Variants in LRRC4C observed in about 807,000 individuals in gnomAD.
The protein encoded by LRRC4C is leucine-rich repeat-containing protein 4C.
In LRRC4C, 5 loss-of-function variants were observed where a neutral mutation model predicts 33.6. The ratio of observed to expected loss-of-function variants is 0.15; its 90% CI spans 0.08 to 0.31. The LOEUF (loss-of-function observed/expected upper bound fraction) is 0.31. Ranked by LOEUF, LRRC4C falls within the 10% of genes least tolerant of loss-of-function variation. The pLI is 1.00. For synonymous variants in LRRC4C, 329 were observed against 302.0 expected (o/e 1.09, Z -0.93); for missense variants, 560 against 796.7 (o/e 0.70, Z 3.58).
rs561116865 is a variant in LRRC4C at position 40,992,630 on chromosome 11, G to A, written c.-495-58907C>T. Reference sequence around the variant, plus strand: ...TACATTTTAAAACCAATGAAATTACGTTGTTTGATTTTTCCCCATTGATCC... The same window carrying A: ...TACATTTTAAAACCAATGAAATTACATTGTTTGATTTTTCCCCATTGATCC... On this transcript the variant is annotated intron_variant, in intron 1 of 6. Transcript: ENST00000528697. 6.3e-4 allele frequency among the ~76,000 whole-genome samples: 95 copies of A among 151,994 alleles called. 1 individual carries two copies. The highest frequency in any genetic ancestry group is 1.3e-3 in the Non-Finnish European group (87 of 67,972).
At chr11:41,394,408 C>T (rs969239193) in intron 1 of LRRC4C, among the ~76,000 whole-genome samples, 1 of 151,888 alleles carries the variant, frequency 6.6e-6, no homozygotes, top group Non-Finnish European at 1.5e-5. Context: ...AGATGCGCCT[C>T]CCTGCAGAGA....
chr11:41,184,027 G>C (rs1399963924), intron 1 of LRRC4C, among the ~76,000 whole-genome samples: 1 of 152,182 alleles, frequency 6.6e-6, no homozygotes, highest in African/African-American at 2.4e-5. Flanking sequence ...GAGCAGCTGG[G>C]ACACAGGACA....
At position 41,305,391 on chromosome 11, in the gene LRRC4C, G is replaced by A. The variant is rs1480118619; in HGVS notation, c.-496+154040C>T. ...AGCCCCTCTGCCCGGCCACCACCCC[G>A]TCTGGGAGGTGTGCCCAACAGCTCA... On this transcript the variant is annotated intron_variant, in intron 1 of 6. Coordinates refer to ENST00000528697, the MANE Select transcript of LRRC4C (RefSeq NM_001258419.2). Among the ~76,000 whole-genome samples, 4 of 51,850 alleles carry A rather than the reference G, an allele frequency of 7.7e-5. 2 individuals are homozygous for A. The highest frequency in any genetic ancestry group is 1.7e-4 in the African/African-American group (4 of 23,184). The allele number at this position is 51,850 out of a possible 152,430, so 34.0% of individuals were successfully genotyped here.
At chr11:40,827,771 C>T (rs187275389) in intron 2 of LRRC4C, among the ~76,000 whole-genome samples, 1 of 151,618 alleles carries the variant, frequency 6.6e-6, no homozygotes, top group Non-Finnish European at 1.5e-5. Context: ...AATATATAAT[C>T]ATTAATTCTC....
intron 1 of LRRC4C, among the ~76,000 whole-genome samples, chr11:40,966,889 T>C (rs890829450): frequency 1.3e-5 from 2 of 152,010 alleles, no homozygotes; most frequent in Non-Finnish European, 2.9e-5. Context: ...GAGTCATACC[T>C]TGTCATGCTT....
At chr11:41,117,557 T>C (rs1188738613) in intron 1 of LRRC4C, among the ~76,000 whole-genome samples, 1 of 152,168 alleles carries the variant, frequency 6.6e-6, no homozygotes, top group Non-Finnish European at 1.5e-5. Flanking sequence ...AGTGGTGGAA[T>C]TAAGCATTGA....
chr11:41,427,689 A>G (rs1444635633), intron 1 of LRRC4C, among the ~76,000 whole-genome samples: 22 of 152,182 alleles, frequency 1.4e-4, no homozygotes, highest in Admixed American at 1.4e-3. Flanking sequence ...TCTGAGCCCA[A>G]GCTAAGCCAT....
At chr11:40,245,672 T>G (rs1379791652) in intron 4 of LRRC4C, among the ~76,000 whole-genome samples, 1 of 152,134 alleles carries the variant, frequency 6.6e-6, no homozygotes, top group Non-Finnish European at 1.5e-5. Flanking sequence ...TATCATCATC[T>G]CTGGCGGCAT....
chr11:40,570,484 A>G (rs1957940238), intron 3 of LRRC4C, among the ~76,000 whole-genome samples: 1 of 152,260 alleles, frequency 6.6e-6, no homozygotes, highest in South Asian at 2.1e-4. Context: ...CTGCTTTTAG[A>G]CTATGTAAAA....
At chr11:41,320,563 GTGTTA>G (rs202176388) in intron 1 of LRRC4C, among the ~76,000 whole-genome samples, 1,842 of 152,234 alleles carry the variant, frequency 0.012, 41 homozygotes, top group African/African-American at 0.042. Flanking sequence ...GCTAATTTTA[GTGTTA>G]TGAAAAATGA....
intron 1 of LRRC4C, among the ~76,000 whole-genome samples, chr11:41,148,546 A>C (rs1943838119): frequency 6.6e-6 from 1 of 152,242 alleles, no homozygotes; most frequent in Non-Finnish European, 1.5e-5. Flanking sequence ...GCACAGTTCT[A>C]GAGAATTGTA....
At chr11:40,502,966 T>C (rs923937313) in intron 3 of LRRC4C, among the ~76,000 whole-genome samples, 8 of 152,326 alleles carry the variant, frequency 5.3e-5, no homozygotes, top group African/African-American at 9.6e-5. Flanking sequence ...ACCCACAACG[T>C]TGACAACTTC....
chr11:41,147,600 T>C (rs1411472717), intron 1 of LRRC4C, among the ~76,000 whole-genome samples: 1 of 152,188 alleles, frequency 6.6e-6, no homozygotes, highest in Non-Finnish European at 1.5e-5. Context: ...TATACATTTA[T>C]GGGGTGCAAC....
chr11:41,433,161 G>C (rs10501266), intron 1 of LRRC4C, among the ~76,000 whole-genome samples: 84,418 of 151,820 alleles, frequency 0.56, 23,935 homozygotes, highest in Non-Finnish European at 0.6. Context: ...TGTGAAACAC[G>C]AGTTTATGAA....
intron 1 of LRRC4C, among the ~76,000 whole-genome samples, chr11:41,155,693 G>A (rs143134189): frequency 6.6e-5 from 10 of 152,144 alleles, no homozygotes; most frequent in African/African-American, 2.4e-4. Flanking sequence ...TAGGTTGTGC[G>A]TATAGATACT....
At chr11:40,345,149 C>T (rs186532612) in intron 3 of LRRC4C, among the ~76,000 whole-genome samples, 3 of 152,148 alleles carry the variant, frequency 2.0e-5, no homozygotes, top group African/African-American at 7.2e-5. Context: ...GATTCAATGC[C>T]ATGCTATCAA....
chr11:41,264,540 A>C (rs1186275569), intron 1 of LRRC4C, among the ~76,000 whole-genome samples: 2 of 152,164 alleles, frequency 1.3e-5, no homozygotes, highest in Non-Finnish European at 2.9e-5. Context: ...ATACATACAC[A>C]TGTACATATA....
chr11:40,240,174 C>T (rs1423192104), intron 5 of LRRC4C, among the ~76,000 whole-genome samples: 5 of 152,178 alleles, frequency 3.3e-5, no homozygotes. Context: ...TGTCCTCTAA[C>T]ATTCCATGTC....
intron 1 of LRRC4C, among the ~76,000 whole-genome samples, chr11:40,945,139 C>T (rs1592152582): frequency 6.6e-6 from 1 of 150,838 alleles, no homozygotes; most frequent in South Asian, 2.1e-4. Flanking sequence ...ATGCCATTCT[C>T]CTGCCTCAGC....
Sources: gnomAD v4.1 joint callset for allele counts (sites outside exome capture counted in the v4.1 genomes callset) on GRCh38, gnomAD v4.1.1 for gene constraint, MANE v1.5 for transcripts, NCBI Gene and HGNC (gene_info 2026-07-23, HGNC 2026-07-21) for gene names.